The following ICE1 variants were observed in gnomAD, a reference collection of about 807,000 sequenced individuals.
ICE1 encodes interactor of little elongation complex ELL subunit 1, also known as little elongation complex subunit 1.
A neutral mutation model predicts 192.7 loss-of-function variants in ICE1; 64 were observed. The ratio of observed to expected loss-of-function variants is 0.33; its 90% confidence interval spans 0.27 to 0.41. The LOEUF is 0.41. Among genes scored for constraint, ICE1 ranks in the 10% least tolerant of loss-of-function variants. ICE1 has a pLI of 1.00. For missense variants in ICE1, 2,708 were observed against 2,696.0 expected (o/e 1.00, Z -0.10); for synonymous variants, 1,010 against 984.5 (o/e 1.03, Z -0.49).
intron 1 of ICE1, among the ~76,000 whole-genome samples, chr5:5,424,919 C>T (rs1396677237): frequency 2.0e-5 from 3 of 152,146 alleles, no homozygotes; most frequent in Non-Finnish European, 4.4e-5. Flanking sequence ...GTGTGGGCTC[C>T]TGTAGACCAT....
At chr5:5,455,192 T>C (rs892696099) in intron 11 of ICE1, among the ~76,000 whole-genome samples, 2 of 152,232 alleles carry the variant, frequency 1.3e-5, no homozygotes, top group South Asian at 2.1e-4. Context: ...TCACAGGTCA[T>C]TGAGGTTCTA....
intron 5 of ICE1, among the ~76,000 whole-genome samples, chr5:5,442,201 G>A (rs755851579): frequency 6.6e-6 from 1 of 152,112 alleles, no homozygotes; most frequent in Non-Finnish European, 1.5e-5. Flanking sequence ...AAAGTCCATA[G>A]ATTTAAGTGG....
intron 17 of ICE1, among the ~76,000 whole-genome samples, chr5:5,479,190 A>G (rs1275417843): frequency 6.6e-6 from 1 of 152,200 alleles, no homozygotes; most frequent in Admixed American, 6.5e-5. Context: ...ATTTTTTGCA[A>G]TCTATCCATC....
At chr5:5,439,726 G>A (rs369707550) in intron 3 of ICE1, among the ~76,000 whole-genome samples, 169 bp from the exon 4 acceptor site, 7 of 152,224 alleles carry the variant, frequency 4.6e-5, no homozygotes, top group African/African-American at 1.7e-4. Flanking sequence ...TCAGTAAAAA[G>A]ACTTACCACT....
At chr5:5,466,051 C>T (rs556116280) in intron 13 of ICE1, among the ~76,000 whole-genome samples, 1 of 152,284 alleles carries the variant, frequency 6.6e-6, no homozygotes, top group African/African-American at 2.4e-5. Flanking sequence ...GTGGTAGTGA[C>T]AGTATGCAGC....
chr5:5,457,795 A>G (rs765309546), intron 12 of ICE1, 54 bp downstream of exon 12: 117 of 1,476,212 alleles, frequency 7.9e-5, no homozygotes, highest in Non-Finnish European at 1.0e-4. Flanking sequence ...GTCTATCCTA[A>G]TATGTCCTTG....
Position 5,461,077 on chromosome 5 carries a change from T to C in ICE1, c.1743T>C (p.Val581=), listed in dbSNP as rs768368972. The C allele has an allele frequency of 1.2e-6, 2 of 1,614,046 alleles. No homozygotes were observed. The highest frequency in any genetic ancestry group is 2.2e-5 in the South Asian group (2 of 91,086). ...EITSEPDRIT[V]SGHFHRLSRE... Reference sequence around the variant, plus strand: ...CTTCTGAACCAGACCGTATCACAGTTTCTGGCCATTTTCACAGACTATCTA... The same window carrying C: ...CTTCTGAACCAGACCGTATCACAGTCTCTGGCCATTTTCACAGACTATCTA... The change falls in exon 13 of 19, where the codon GTT becomes GTC. Residue 581 remains valine (V), a synonymous_variant. Transcript: ENST00000296564.
At chr5:5,445,372 A>G (rs561886010) in intron 7 of ICE1, among the ~76,000 whole-genome samples, 15 of 152,144 alleles carry the variant, frequency 9.9e-5, no homozygotes, top group Admixed American at 5.2e-4. Flanking sequence ...GAATATGGAG[A>G]TAAGTGTCTA....
chr5:5,462,928 T>C lies in ICE1; in HGVS notation c.3594T>C (p.Ser1198=), dbSNP rs1738843726. The part of the protein sequence containing the change: ...SSGDSVSECS[S]KGTLSKEMNK... ...GGGACTCTGTTTCTGAATGTTCTAG[T>C]AAAGGAACCCTAAGTAAAGAAATGA... Residue 1198 remains serine (S), a synonymous_variant, in exon 13 of 19, where the codon AGT becomes AGC. Coordinates refer to ENST00000296564, the MANE Select transcript of ICE1 (RefSeq NM_015325.3). 8 of 1,609,852 alleles carry C rather than the reference T, an allele frequency of 5.0e-6. No homozygotes were observed.
Position 5,464,151 on chromosome 5 carries a change from C to T in ICE1, c.4817C>T (p.Ala1606Val), listed in dbSNP as rs750628699. 1 of 1,613,592 alleles carries T rather than the reference C, an allele frequency of 6.2e-7. No individual in the cohort carries two copies. The highest frequency in any genetic ancestry group is 8.5e-7 in the Non-Finnish European group (1 of 1,179,862). ...TQRSQTQTILANADTSTPTDC... is the reference protein window; with the variant it reads ...TQRSQTQTILVNADTSTPTDC... ...AGAAGCCAAACTCAGACCATTTTAG[C>T]AAATGCTGATACATCCACTCCTACA... Residue 1606 changes from alanine to valine, a missense_variant, in exon 13 of 19, where the codon GCA (alanine) becomes GTA (valine). This residue lies in a region of ICE1 where 2,366 missense variants were observed against 2,276.6 expected (regional missense o/e 1.04). Coordinates refer to ENST00000296564, the MANE Select transcript of ICE1 (RefSeq NM_015325.3). The surrounding 1 kb of genome is among the most constrained non-coding windows in gnomAD (Gnocchi z 4.0).
At chr5:5,424,533 C>A (rs1737465894) in intron 1 of ICE1, among the ~76,000 whole-genome samples, 1 of 152,096 alleles carries the variant, frequency 6.6e-6, no homozygotes, top group Non-Finnish European at 1.5e-5. Flanking sequence ...GAGAAAAAGA[C>A]AAAAATTCTT....
At position 5,422,805 on chromosome 5, in the gene ICE1, G is replaced by T; in HGVS notation, c.-111G>T. The T allele has an allele frequency of 1.3e-6, 1 of 753,558 alleles. No individual in the cohort carries two copies. 46.7% of individuals were successfully genotyped at this position (753,558 alleles called of 1,614,324 possible). A position where few individuals can be genotyped will look rare whatever the true frequency, so the allele number is the denominator to read the frequency against. Reference sequence around the variant, plus strand: ...GCACGGATGGACCCGCCCGGACCTGGCGGGAAGCGGCCTGGCAGGCGGCGG... The same window carrying T: ...GCACGGATGGACCCGCCCGGACCTGTCGGGAAGCGGCCTGGCAGGCGGCGG... On this transcript the variant is annotated 5_prime_UTR_variant, in exon 1 of 19. Coordinates refer to ENST00000296564, the MANE Select transcript of ICE1 (RefSeq NM_015325.3).
At position 5,462,743 on chromosome 5, in the gene ICE1, G is replaced by C. The variant is rs963320296; in HGVS notation, c.3409G>C (p.Asp1137His). ...DDSQKNLGDT[D>H]AAVAEVRPSL... ...CTCACAGAAAAATTTAGGAGACACA[G>C]ATGCTGCTGTAGCCGAGGTGAGACC... Residue 1137 changes from aspartate to histidine, a missense_variant, in exon 13 of 19, where the codon GAT (aspartate) becomes CAT (histidine). This residue lies in a region of ICE1 where 2,366 missense variants were observed against 2,276.6 expected (regional missense o/e 1.04). Coordinates refer to ENST00000296564, the MANE Select transcript of ICE1 (RefSeq NM_015325.3). 5.0e-6 allele frequency: 8 copies of C among 1,613,726 alleles called. No individual in the cohort carries two copies. Among genetic ancestry groups the C allele is most frequent in the Admixed American group, 1.7e-5 (1 of 59,978 alleles).
intron 12 of ICE1, among the ~76,000 whole-genome samples, chr5:5,459,622 C>T (rs567786402): frequency 1.1e-4 from 17 of 152,246 alleles, no homozygotes; most frequent in Non-Finnish European, 2.1e-4. Context: ...GCAGAATAGA[C>T]GAAAGCCAGG....
In ICE1 at chr5:5,422,933, C is replaced by A; in HGVS notation, c.18C>A (p.Thr6=). Residue 6 remains threonine (T), a synonymous_variant, in exon 1 of 19, where the codon ACC becomes ACA. Transcript: ENST00000296564. ...GCGGCACCATGATGCCGGGCGAGACCCATTCGGCGGCGCCCGGGACGGCGG... is the reference window on the plus strand; with the variant it reads ...GCGGCACCATGATGCCGGGCGAGACACATTCGGCGGCGCCCGGGACGGCGG... The part of the protein sequence containing the change: MMPGE[T]HSAAPGTAAD... 1 of 1,445,672 alleles carries A rather than the reference C, an allele frequency of 6.9e-7. No homozygotes were observed. Among genetic ancestry groups the A allele is most frequent in the Non-Finnish European group, 9.1e-7 (1 of 1,100,672 alleles). The allele number at this position is 1,445,672 out of a possible 1,614,324, so 89.6% of individuals were successfully genotyped here. A position where few individuals can be genotyped will look rare whatever the true frequency, so the allele number is the denominator to read the frequency against.
In ICE1 at chr5:5,462,472, T is replaced by C. The variant is rs760961222; in HGVS notation, c.3138T>C (p.Asn1046=). The C allele has an allele frequency of 1.2e-6, 2 of 1,613,998 alleles. No homozygotes were observed. The highest frequency in any genetic ancestry group is 8.5e-7 in the Non-Finnish European group (1 of 1,179,886). ...CTACCAGCACACCACAAAATGCTAA[T>C]GGACTTTGGAAATTGAAATCTACAA... The part of the protein sequence containing the change: ...NDSTSTPQNA[N]GLWKLKSTTP... The change falls in exon 13 of 19, where the codon AAT becomes AAC. Residue 1046 remains asparagine, a synonymous_variant. Coordinates refer to ENST00000296564, the MANE Select transcript of ICE1 (RefSeq NM_015325.3).
chr5:5,453,006 T>C (rs1738470366), intron 10 of ICE1, among the ~76,000 whole-genome samples: 1 of 152,176 alleles, frequency 6.6e-6, no homozygotes, highest in Admixed American at 6.5e-5. Context: ...CTTTTATTTA[T>C]TTATTTTTTG....
Position 5,441,114 on chromosome 5 carries a change from A to T in ICE1, c.200A>T (p.Glu67Val). 6.6e-7 allele frequency: 1 copy of T among 1,519,170 alleles called. No homozygotes were observed. The highest frequency in any genetic ancestry group is 1.2e-5 in the South Asian group (1 of 83,330). The allele number at this position is 1,519,170 out of a possible 1,614,324, so 94.1% of individuals were successfully genotyped here. A position where few individuals can be genotyped will look rare whatever the true frequency, so the allele number is the denominator to read the frequency against. Reference protein sequence around the residue: ...KCDELQFARRENSNLHHQVEE... With the variant: ...KCDELQFARRVNSNLHHQVEE... Reference sequence around the variant, plus strand: ...TAATGTTAATTCATTGTCTTTAGAGAGAATAGTAATCTGCATCACCAAGTG... The same window carrying T: ...TAATGTTAATTCATTGTCTTTAGAGTGAATAGTAATCTGCATCACCAAGTG... The change falls in exon 5 of 19, where the codon GAG becomes GTG. Residue 67 changes from glutamate (E) to valine (V), a missense_variant and splice_region_variant. Physicochemically the swap from Glu to Val is moderately radical, Grantham distance 121 (BLOSUM62 -2). Coordinates refer to ENST00000296564, the MANE Select transcript of ICE1 (RefSeq NM_015325.3).
intron 1 of ICE1, among the ~76,000 whole-genome samples, chr5:5,432,461 G>C (rs527663447): frequency 6.6e-6 from 1 of 152,072 alleles, no homozygotes; most frequent in Non-Finnish European, 1.5e-5. Flanking sequence ...TCACTTTTTG[G>C]CTAGTTTGAA....
Sources: gnomAD v4.1 joint callset for allele counts (sites outside exome capture counted in the v4.1 genomes callset) on GRCh38, gnomAD v4.1.1 for gene constraint, gnomAD v4.1.1 regional missense constraint, Gnocchi (gnomAD v3.1) non-coding constraint, MANE v1.5 for transcripts, NCBI Gene and HGNC (gene_info 2026-07-23, HGNC 2026-07-21) for gene names.